SEMA6D: variants seen among roughly 807,000 people sequenced by gnomAD.
SEMA6D encodes the protein semaphorin-6D.
A neutral mutation model predicts 106.6 loss-of-function variants in SEMA6D; 35 were observed. That is an observed-to-expected ratio of 0.33 (90% CI 0.25 to 0.44). The LOEUF is 0.44. Among genes scored for constraint, SEMA6D ranks in the 20% least tolerant of loss-of-function variants. The probability of loss-of-function intolerance (pLI) is 1.00; values close to 1 mark genes in which losing one functional copy is unlikely to be tolerated. For missense variants in SEMA6D, 1,185 were observed against 1,345.9 expected (o/e 0.88, Z 1.87); for synonymous variants, 499 against 487.7 (o/e 1.02, Z -0.31).
At chr15:47,222,599 G>A (rs1484487959) in intron 1 of SEMA6D, among the ~76,000 whole-genome samples, 1 of 152,122 alleles carries the variant, frequency 6.6e-6, no homozygotes, top group African/African-American at 2.4e-5. Flanking sequence ...GTACCATCAA[G>A]AAGGTACAGT....
chr15:47,194,575 ACTT>A (rs767500117), intron 1 of SEMA6D, among the ~76,000 whole-genome samples: 5 of 152,192 alleles, frequency 3.3e-5, no homozygotes, highest in Non-Finnish European at 5.9e-5. Flanking sequence ...ACATAAAGTA[ACTT>A]CTTCTTAGCT....
chr15:47,641,090 T>G (rs2077480449), intron 4 of SEMA6D, among the ~76,000 whole-genome samples: 1 of 152,150 alleles, frequency 6.6e-6, no homozygotes, highest in Admixed American at 6.6e-5. Context: ...GAGGAGTTGT[T>G]CCATTTCCCC....
intron 1 of SEMA6D, among the ~76,000 whole-genome samples, chr15:47,205,641 A>G (rs887788353): frequency 1.3e-5 from 2 of 152,176 alleles, no homozygotes; most frequent in Admixed American, 6.5e-5. Context: ...TGGCATTATA[A>G]ATTGAGAAGC....
At chr15:47,441,853 G>A (rs1163399137) in intron 2 of SEMA6D, among the ~76,000 whole-genome samples, 1 of 151,870 alleles carries the variant, frequency 6.6e-6, no homozygotes, top group Non-Finnish European at 1.5e-5. Flanking sequence ...GATGGATGGA[G>A]TGTGAGTGGG....
chr15:47,425,812 C>CA (rs957150556), intron 2 of SEMA6D, among the ~76,000 whole-genome samples: 33 of 151,830 alleles, frequency 2.2e-4, no homozygotes, highest in Non-Finnish European at 4.4e-4. Context: ...CCTCCATTTT[C>CA]AAATTTTCAC....
At chr15:47,613,356 C>T (rs865844447) in intron 4 of SEMA6D, among the ~76,000 whole-genome samples, 1 of 152,130 alleles carries the variant, frequency 6.6e-6, no homozygotes, top group Non-Finnish European at 1.5e-5. Flanking sequence ...ATTTATTGAG[C>T]CCCTGTATGC....
intron 4 of SEMA6D, among the ~76,000 whole-genome samples, chr15:47,659,179 A>C (rs1024037707): frequency 6.6e-6 from 1 of 152,010 alleles, no homozygotes; most frequent in African/African-American, 2.4e-5. Context: ...TATACAAATA[A>C]TGTGATATAT....
intron 13 of SEMA6D, chr15:47,765,529 A>G: frequency 2.4e-6 from 2 of 838,438 alleles, no homozygotes; most frequent in South Asian, 5.5e-5. Context: ...AGCCAAGGGG[A>G]CTAAGGAGAG....
rs1396704680 is a variant in SEMA6D, at chr15:47,590,251, AC to A, written c.-86-10612del. Among the ~76,000 whole-genome samples, 21 of 152,148 alleles carry A rather than the reference AC, an allele frequency of 1.4e-4. No individual in the cohort carries two copies. In the East Asian group the frequency reaches 3.9e-3, roughly 28 times the overall value. On this transcript the variant is annotated intron_variant, in intron 3 of 19. Transcript: ENST00000558014. The stretch of plus-strand genomic sequence containing the variant: ...TGCAGGGACATGGATGAAGCTGGAA[AC>A]CGTCATTCTCAGAAAACTATCACAA...
intron 2 of SEMA6D, among the ~76,000 whole-genome samples, chr15:47,433,324 G>GTATTTATA (rs528230687): frequency 4.6e-5 from 7 of 151,492 alleles, no homozygotes; most frequent in Admixed American, 1.3e-4. Context: ...TTATCGCCAA[G>GTATTTATA]TATTTATATA....
chr15:47,740,520 A>G, intron 1 of SEMA6D, among the ~76,000 whole-genome samples: 1 of 152,146 alleles, frequency 6.6e-6, no homozygotes, highest in Admixed American at 6.5e-5. Context: ...CTCCGTCTCA[A>G]AAAACAAAAC....
At chr15:47,579,009 ACTGGT>A (rs1170366939) in intron 3 of SEMA6D, among the ~76,000 whole-genome samples, 1 of 152,164 alleles carries the variant, frequency 6.6e-6, no homozygotes, top group African/African-American at 2.4e-5. Flanking sequence ...TGAGGAAACT[ACTGGT>A]CAGAGCATTT....
At chr15:47,388,350 G>A (rs1003630939) in intron 1 of SEMA6D, among the ~76,000 whole-genome samples, 3 of 151,804 alleles carry the variant, frequency 2.0e-5, no homozygotes, top group Non-Finnish European at 4.4e-5. Context: ...ACCTACAGTC[G>A]GCCACAGTCC....
At chr15:47,748,871 C>G (rs772977615) in intron 1 of SEMA6D, among the ~76,000 whole-genome samples, 10 of 151,838 alleles carry the variant, frequency 6.6e-5, no homozygotes, top group South Asian at 4.2e-4. Flanking sequence ...GGAGAATGCA[C>G]TAGAAGTCTA....
rs78624120 is a variant in SEMA6D at position 47,419,967 on chromosome 15, G to A, written c.-159+7495G>A. ...GTCCAGGGCAGGTGGTGGTGGTGAG[G>A]CTATGAGCATTGAGAGGGAAGAGAG... On this transcript the variant is annotated intron_variant, in intron 2 of 19. Transcript: ENST00000558014. Among the ~76,000 whole-genome samples the A allele has an allele frequency of 4.2e-3, 641 of 152,220 alleles. 3 individuals are homozygous for A. Among genetic ancestry groups the A allele is most frequent in the Non-Finnish European group, 7.5e-3 (510 of 67,974 alleles).
At chr15:47,272,169 A>G (rs778331891) in intron 1 of SEMA6D, among the ~76,000 whole-genome samples, 2 of 150,864 alleles carry the variant, frequency 1.3e-5, no homozygotes, top group Non-Finnish European at 2.9e-5. Flanking sequence ...GTTTGGAGAC[A>G]TGTTGCCAGA....
rs138478779 is a variant in SEMA6D, at chr15:47,544,510, T to A, written c.-86-56355T>A. 3.3e-3 allele frequency among the ~76,000 whole-genome samples: 507 copies of A among 152,222 alleles called. 4 individuals are homozygous for A. Among genetic ancestry groups the A allele is most frequent in the Non-Finnish European group, 6.2e-3 (422 of 67,998 alleles). On this transcript the variant is annotated intron_variant, in intron 3 of 19. Coordinates refer to the SEMA6D transcript ENST00000558014. ...TCAATTATATTTTAAAATATGGAAT[T>A]GTATTTTAAAATATGGAAGTATTAG...
chr15:47,206,114 G>A (rs1453061179), intron 1 of SEMA6D, among the ~76,000 whole-genome samples: 4 of 151,984 alleles, frequency 2.6e-5, no homozygotes, highest in Non-Finnish European at 5.9e-5. Context: ...GGGTTAAGTG[G>A]GTATGATATT....
chr15:47,353,720 G>T (rs1431525010), intron 1 of SEMA6D, among the ~76,000 whole-genome samples: 1 of 152,060 alleles, frequency 6.6e-6, no homozygotes. Context: ...CACAGCTCCT[G>T]GGGCAATGCC....
Sources: gnomAD v4.1 joint callset for allele counts (sites outside exome capture counted in the v4.1 genomes callset) on GRCh38, gnomAD v4.1.1 for gene constraint, MANE v1.5 for transcripts, NCBI Gene and HGNC (gene_info 2026-07-23, HGNC 2026-07-21) for gene names.